The following ITGB4 variants were observed in gnomAD, a reference collection of about 807,000 sequenced individuals.
The protein encoded by ITGB4 is integrin subunit beta 4, also known as integrin beta-4.
ITGB4 carries 159 observed loss-of-function variants against 207.6 expected under a neutral mutation model. That is an observed-to-expected ratio of 0.77 (90% CI 0.67 to 0.87). The LOEUF is 0.87. ITGB4 is among the 40% of genes least tolerant of loss of function. ITGB4 has a pLI of 0.00. For synonymous variants in ITGB4, 1,020 were observed against 1,062.7 expected (o/e 0.96, Z 0.78); for missense variants, 2,278 against 2,546.8 (o/e 0.89, Z 2.27).
chr17:75,754,359 T>G, intron 33 of ITGB4: 1 of 615,674 alleles, frequency 1.6e-6, no homozygotes, highest in East Asian at 2.8e-5. Flanking sequence ...ACCGATAGAG[T>G]GGCCGGCCAG....
At chr17:75,755,920 G>C in intron 35 of ITGB4, 70 bp downstream of exon 35, 1 of 1,544,636 alleles carries the variant, frequency 6.5e-7, no homozygotes, top group Non-Finnish European at 8.7e-7. Flanking sequence ...GACACATAGG[G>C]TACCTCAGCT....
At position 75,741,034 on chromosome 17, in the gene ITGB4, C is replaced by T. The variant is rs201751433; in HGVS notation, c.2633+29C>T. On this transcript the variant is annotated intron_variant, in intron 23 of 39. Transcript: ENST00000200181. ...AGTAGAAGACTCGTGGGTGAGAGGG[C>T]CCCCACTTCCTGCCCGCCTGTCCCC... 12 of 1,608,046 alleles carry T rather than the reference C, an allele frequency of 7.5e-6. No homozygotes were observed. In the East Asian group the frequency reaches 2.2e-4, roughly 30 times the overall value.
chr17:75,754,343 G>C, intron 33 of ITGB4: 1 of 609,016 alleles, frequency 1.6e-6, no homozygotes, highest in Non-Finnish European at 2.9e-6. Flanking sequence ...GGTCAGCAGT[G>C]CTCACACCGA....
At chr17:75,734,950 T>C (rs1261779127) in intron 13 of ITGB4, among the ~76,000 whole-genome samples, 1 of 152,262 alleles carries the variant, frequency 6.6e-6, no homozygotes, top group Middle Eastern at 3.2e-3. Flanking sequence ...TTTCATTTTC[T>C]AACTATTTGC....
chr17:75,727,544 T>C lies in ITGB4; in HGVS notation c.264+39T>C, dbSNP rs1186050763. The stretch of plus-strand genomic sequence containing the variant: ...GGACTGGGGTGGGGGCTCCCCATGC[T>C]CAGCCTGGCTATTTATGGGGGTGTA... On this transcript the variant is annotated intron_variant, in intron 4 of 39. Coordinates refer to ENST00000200181, the MANE Select transcript of ITGB4 (RefSeq NM_000213.5). The surrounding 1 kb of genome is among the most constrained non-coding windows in gnomAD (Gnocchi z 6.0). 1.2e-6 allele frequency: 2 copies of C among 1,604,482 alleles called. No individual in the cohort carries two copies.
Position 75,750,919 on chromosome 17 carries a change from A to C in ITGB4, c.3656-55A>C, listed in dbSNP as rs1236265328. ...TGGCTGCCCTGATGCCAGCATGCCC[A>C]GACCTCCCTCCCTCTGCCACTGACA... On this transcript the variant is annotated intron_variant, in intron 29 of 39. Transcript: ENST00000200181. This position sits in a 1 kb window ranked among gnomAD's most constrained non-coding sequence, Gnocchi z 5.5. 1 of 1,613,208 alleles carries C rather than the reference A, an allele frequency of 6.2e-7. No individual in the cohort carries two copies. Among genetic ancestry groups the C allele is most frequent in the Admixed American group, 1.7e-5 (1 of 59,994 alleles).
chr17:75,743,613 C>T (rs1471091406), intron 25 of ITGB4, 100 bp from the exon 26 acceptor site: 1 of 1,532,448 alleles, frequency 6.5e-7, no homozygotes, highest in African/African-American at 1.4e-5. Flanking sequence ...ACCAAGCGGA[C>T]TCCTGGATTC....
intron 34 of ITGB4, among the ~76,000 whole-genome samples, chr17:75,755,385 C>T (rs1048812050): frequency 1.3e-5 from 2 of 152,316 alleles, no homozygotes; most frequent in East Asian, 1.9e-4. Context: ...ATGCCTAACT[C>T]TGCCTCTGCC....
chr17:75,743,238 T>C (rs917664475), intron 25 of ITGB4, among the ~76,000 whole-genome samples: 2 of 149,568 alleles, frequency 1.3e-5, no homozygotes, highest in Non-Finnish European at 3.0e-5. Flanking sequence ...CCAGAACCAC[T>C]TTTTTTTTTC....
intron 32 of ITGB4, among the ~76,000 whole-genome samples, chr17:75,753,230 A>C (rs2061408384): frequency 6.6e-6 from 1 of 152,218 alleles, no homozygotes; most frequent in South Asian, 2.1e-4. Context: ...CCCGGTGAAC[A>C]CATACTGGCC....
chr17:75,755,966 A>C (rs541672564), intron 35 of ITGB4, 116 bp downstream of exon 35: 1 of 1,284,594 alleles, frequency 7.8e-7, no homozygotes, highest in Non-Finnish European at 1.1e-6. Flanking sequence ...TGAGCGCTAA[A>C]GCCCCCATCC....
At position 75,743,755 on chromosome 17, in the gene ITGB4, G is replaced by C. The variant is rs762344463; in HGVS notation, c.3005G>C (p.Ser1002Thr). The C allele has an allele frequency of 1.9e-6, 3 of 1,613,570 alleles. No individual in the cohort carries two copies. Among genetic ancestry groups the C allele is most frequent in the South Asian group, 2.2e-5 (2 of 91,084 alleles). The change falls in exon 26 of 40, where the codon AGC becomes ACC. Residue 1002 changes from serine (S) to threonine (T), a missense_variant. Physicochemically the swap from Ser to Thr is moderately conservative, Grantham distance 58. Transcript: ENST00000200181. The stretch of plus-strand genomic sequence containing the variant: ...TTTGAGCAGCCTGAGTTCTCGGTCA[G>C]CCGCGGGGACCAGGTGGCCCGCATC... ...VSFEQPEFSVSRGDQVARIPV... is the reference protein window; with the variant it reads ...VSFEQPEFSVTRGDQVARIPV...
In ITGB4 at chr17:75,742,595, G is replaced by A; in HGVS notation, c.2796G>A (p.Met932Ile). ...TLTADQDARG[M>I]VEFQEGVELV... is the part of the protein sequence containing the mutation. The stretch of plus-strand genomic sequence containing the variant: ...ACCCCCACCCAGACGCCCGGGGCAT[G>A]GTGGAGTTCCAGGAGGGCGTGGAGC... Residue 932 changes from methionine to isoleucine, a missense_variant, in exon 25 of 40, where the codon ATG becomes ATA. Coordinates refer to ENST00000200181, the MANE Select transcript of ITGB4 (RefSeq NM_000213.5). This position sits in a 1 kb window ranked among gnomAD's most constrained non-coding sequence, Gnocchi z 5.9. 2 of 1,613,998 alleles carry A rather than the reference G, an allele frequency of 1.2e-6. No individual in the cohort carries two copies. The highest frequency in any genetic ancestry group is 1.1e-5 in the South Asian group (1 of 91,084).
At position 75,735,987 on chromosome 17, in the gene ITGB4, G is replaced by A. The variant is rs111317719; in HGVS notation, c.1658-64G>A. Reference sequence around the variant, plus strand: ...TGTTCCCACAGGCCCTCCCTGCCAGGTGGGCAGCCTGGACTACAGGCACAG... The same window carrying A: ...TGTTCCCACAGGCCCTCCCTGCCAGATGGGCAGCCTGGACTACAGGCACAG... On this transcript the variant is annotated intron_variant, in intron 13 of 39. Coordinates refer to ENST00000200181, the MANE Select transcript of ITGB4 (RefSeq NM_000213.5). 2.5e-5 allele frequency: 38 copies of A among 1,517,368 alleles called. No homozygotes were observed. In the East Asian group the frequency reaches 7.2e-4, roughly 29 times the overall value. The allele number at this position is 1,517,368 out of a possible 1,614,324, so 94.0% of individuals were successfully genotyped here. A position where few individuals can be genotyped will look rare whatever the true frequency, so the allele number is the denominator to read the frequency against.
Position 75,733,547 on chromosome 17 carries a change from G to A in ITGB4, c.1512G>A (p.Leu504=). ...TGSLSDIQPC[L]REGEDKPCSG... ...CTCTGAGTGACATTCAGCCCTGCCTGCGGGAGGGCGAGGACAAGCCGTGCT... is the reference window on the plus strand; with the variant it reads ...CTCTGAGTGACATTCAGCCCTGCCTACGGGAGGGCGAGGACAAGCCGTGCT... Residue 504 remains leucine, a synonymous_variant, in exon 13 of 40, where the codon CTG becomes CTA. Transcript: ENST00000200181. 6.2e-7 allele frequency: 1 copy of A among 1,613,916 alleles called. No individual in the cohort carries two copies. Among genetic ancestry groups the A allele is most frequent in the Non-Finnish European group, 8.5e-7 (1 of 1,180,038 alleles).
In ITGB4 at chr17:75,750,289, T is replaced by C. The variant is rs820388; in HGVS notation, c.3474+21T>C. On this transcript the variant is annotated intron_variant, in intron 28 of 39. Transcript: ENST00000200181. The surrounding 1 kb of genome is among the most constrained non-coding windows in gnomAD (Gnocchi z 5.5). ...ACAGGGTAAGGCGGGGGGCTGAGGGTCACGACAGGTGGATGGGCGGTCTGG... is the reference window on the plus strand; with the variant it reads ...ACAGGGTAAGGCGGGGGGCTGAGGGCCACGACAGGTGGATGGGCGGTCTGG... 0.55 allele frequency: 872,073 copies of C among 1,594,342 alleles called. 240,338 individuals carry two copies. The highest frequency in any genetic ancestry group is 0.62 in the East Asian group (27,803 of 44,564).
chr17:75,757,209 C>T lies in ITGB4; in HGVS notation c.5228C>T (p.Pro1743Leu), dbSNP rs368445689. ...TATCTGCCCACCCCAGGACCCTTCCCGCAGCTGGGCAGCCGTGCCGGGCTC... is the reference window on the plus strand; with the variant it reads ...TATCTGCCCACCCCAGGACCCTTCCTGCAGCTGGGCAGCCGTGCCGGGCTC... ...TIESQDGGPF[P>L]QLGSRAGLFQ... is the part of the protein sequence containing the mutation. The change falls in exon 39 of 40, where the codon CCG (proline) becomes CTG (leucine). Residue 1743 changes from proline to leucine, a missense_variant. Pro to Leu is a moderately conservative substitution (Grantham distance 98). Coordinates refer to ENST00000200181, the MANE Select transcript of ITGB4 (RefSeq NM_000213.5). 5.4e-5 allele frequency: 87 copies of T among 1,611,898 alleles called. No individual in the cohort carries two copies. The highest frequency in any genetic ancestry group is 6.4e-5 in the Non-Finnish European group (75 of 1,179,884).
chr17:75,740,831 G>A lies in ITGB4; in HGVS notation c.2589G>A (p.Lys863=). Residue 863 remains lysine, a synonymous_variant, in exon 22 of 40, where the codon AAG becomes AAA. Transcript: ENST00000200181. The surrounding 1 kb of genome is among the most constrained non-coding windows in gnomAD (Gnocchi z 5.9). The part of the protein sequence containing the change: ...EVYRQISGVH[K]LQQTKFRQQP... ...ACAGGCAGATCTCCGGTGTACACAA[G>A]CTCCAGCAGACCAAGTTCCGGTGAG... 1 of 1,613,730 alleles carries A rather than the reference G, an allele frequency of 6.2e-7. No homozygotes were observed.
rs1364009828 is a variant in ITGB4 at position 75,731,490 on chromosome 17, C to G, written c.1215+122C>G. 1.9e-6 allele frequency: 2 copies of G among 1,046,448 alleles called. No individual in the cohort carries two copies. Among genetic ancestry groups the G allele is most frequent in the Admixed American group, 2.2e-5 (1 of 45,198 alleles). 64.8% of individuals were successfully genotyped at this position (1,046,448 alleles called of 1,614,324 possible). Reference sequence around the variant, plus strand: ...GTCAGGCAGGCCTGGGTGCAGATCCCTGGGCCTAGCCGCTCGGATGAGCCT... The same window carrying G: ...GTCAGGCAGGCCTGGGTGCAGATCCGTGGGCCTAGCCGCTCGGATGAGCCT... On this transcript the variant is annotated intron_variant, in intron 10 of 39. Transcript: ENST00000200181. The surrounding 1 kb of genome is among the most constrained non-coding windows in gnomAD (Gnocchi z 6.8).
Sources: gnomAD v4.1 joint callset for allele counts (sites outside exome capture counted in the v4.1 genomes callset) on GRCh38, gnomAD v4.1.1 for gene constraint, Gnocchi (gnomAD v3.1) non-coding constraint, MANE v1.5 for transcripts, NCBI Gene and HGNC (gene_info 2026-07-23, HGNC 2026-07-21) for gene names.